The following LBHD1 variants were observed in gnomAD, a reference collection of about 807,000 sequenced individuals.
LBHD1 encodes the protein LBH domain-containing protein 1.
A neutral mutation model predicts 31.1 loss-of-function variants in LBHD1; 28 were observed. The ratio of observed to expected loss-of-function variants is 0.90; its 90% confidence interval spans 0.67 to 1.24. The LOEUF is 1.24. Ranked by LOEUF, LBHD1 falls within the 50% of genes most tolerant of loss-of-function variation. LBHD1 has a pLI of 0.00. For missense variants in LBHD1, 350 were observed against 323.0 expected, an observed-to-expected ratio of 1.08 and a Z score of -0.64; for synonymous variants, 105 against 116.5, an observed-to-expected ratio of 0.90 and a Z score of 0.63.
At chr11:62,671,503 G>A (rs1003960851) in intron 1 of LBHD1, 61 bp downstream of exon 1, 5 of 1,383,418 alleles carry the variant, frequency 3.6e-6, no homozygotes, top group Non-Finnish European at 3.8e-6. Context: ...AGGACACAGG[G>A]TCCCCGCGCT....
chr11:62,671,689 A>T lies in LBHD1; in HGVS notation c.-136T>A. ...CCAAGGGGTAGTGAGACCGCGCGGC[A>T]ACAGCTTGCGGCTGCGGGGAGCTCC... On this transcript the variant is annotated 5_prime_UTR_variant, in exon 1 of 7. The change creates a premature stop within an existing upstream ORF in the 5' untranslated region. Coordinates refer to ENST00000354588, the MANE Select transcript of LBHD1 (RefSeq NM_024099.5). 3.8e-6 allele frequency: 6 copies of T among 1,599,846 alleles called. No homozygotes were observed. The highest frequency in any genetic ancestry group is 5.1e-6 in the Non-Finnish European group (6 of 1,173,234).
At chr11:62,663,400 C>T (rs370759736) in intron 5 of LBHD1, 67 bp from the exon 6 acceptor site, 1 of 1,508,598 alleles carries the variant, frequency 6.6e-7, no homozygotes, top group African/African-American at 1.4e-5. Context: ...ACAAATAGTT[C>T]TGGCTATAGA....
Position 62,671,811 on chromosome 11 carries a change from C to A in LBHD1, c.-258G>T, listed in dbSNP as rs1485383908. On this transcript the variant is annotated 5_prime_UTR_variant, in exon 1 of 7. Coordinates refer to ENST00000354588, the MANE Select transcript of LBHD1 (RefSeq NM_024099.5). ...TGGGCGCAGGGGCTGGCGTGGGCTA[C>A]GCGCTCCTCGTTATCGTGACCCCGG... The A allele has an allele frequency of 1.2e-6, 2 of 1,613,988 alleles. No individual in the cohort carries two copies. The highest frequency in any genetic ancestry group is 1.7e-6 in the Non-Finnish European group (2 of 1,180,032).
At chr11:62,664,824 A>G in intron 5 of LBHD1, 25 bp downstream of exon 5, 2 of 1,554,704 alleles carry the variant, frequency 1.3e-6, no homozygotes, top group Non-Finnish European at 8.7e-7. Context: ...GGGGACGACC[A>G]ACAGGAAGAG....
At chr11:62,667,021 C>G in intron 4 of LBHD1, 5 of 1,607,850 alleles carry the variant, frequency 3.1e-6, no homozygotes, top group Non-Finnish European at 4.2e-6. Flanking sequence ...GCATCACCTA[C>G]TTTGCTTACT....
chr11:62,669,306 A>T (rs1462385218), intron 3 of LBHD1: 1 of 737,608 alleles, frequency 1.4e-6, no homozygotes, highest in African/African-American at 1.9e-5. Context: ...CTGAGGCAGG[A>T]GAATGGCGTG....
In LBHD1 at chr11:62,669,949, G is replaced by C; in HGVS notation, c.83C>G (p.Pro28Arg). Residue 28 changes from proline to arginine, a missense_variant, in exon 2 of 7, where the codon CCC becomes CGC. By Grantham distance (103) the Pro-to-Arg change is moderately radical (BLOSUM62 -2). Transcript: ENST00000354588. ...GTCCCAGAGAGGGTTGGGCAGCCTG[G>C]GACTTTCTGGATGCTGGGAGGAGCC... is the stretch of plus-strand genomic sequence containing the variant. ...SPGSSQHPES[P>R]RLPNPLWDRG... 1 of 1,614,106 alleles carries C rather than the reference G, an allele frequency of 6.2e-7. No individual in the cohort carries two copies. The highest frequency in any genetic ancestry group is 8.5e-7 in the Non-Finnish European group (1 of 1,180,040).
At position 62,671,686 on chromosome 11, in the gene LBHD1, G is replaced by C. The variant is rs998483278; in HGVS notation, c.-133C>G. On this transcript the variant is annotated 5_prime_UTR_variant, in exon 1 of 7. Transcript: ENST00000354588. Reference sequence around the variant, plus strand: ...GCGCCAAGGGGTAGTGAGACCGCGCGGCAACAGCTTGCGGCTGCGGGGAGC... The same window carrying C: ...GCGCCAAGGGGTAGTGAGACCGCGCCGCAACAGCTTGCGGCTGCGGGGAGC... The C allele has an allele frequency of 1.8e-5, 28 of 1,599,068 alleles. No individual in the cohort carries two copies. The highest frequency in any genetic ancestry group is 2.4e-5 in the Non-Finnish European group (28 of 1,172,924).
At position 62,669,641 on chromosome 11, in the gene LBHD1, C is replaced by T; in HGVS notation, c.313G>A (p.Gly105Ser). Reference sequence around the variant, plus strand: ...CCCCTGAATGAGCCACCTCCCTCACCTGGCTCTTCACTTTGGTCTTGGAAG... The same window carrying T: ...CCCCTGAATGAGCCACCTCCCTCACTTGGCTCTTCACTTTGGTCTTGGAAG... ...AFFQDQSEEP[G>S]WAWSPQDPRS... The change falls in exon 3 of 7, where the codon GGC becomes AGC. Residue 105 changes from glycine (G) to serine (S), a missense_variant and splice_region_variant. By Grantham distance (56) the Gly-to-Ser change is moderately conservative. Transcript: ENST00000354588. 1.2e-6 allele frequency: 2 copies of T among 1,611,908 alleles called. No individual in the cohort carries two copies. Among genetic ancestry groups the T allele is most frequent in the Non-Finnish European group, 1.7e-6 (2 of 1,178,848 alleles).
In LBHD1 at chr11:62,671,914, C is replaced by G. The variant is rs1206804110; in HGVS notation, c.-361G>C. On this transcript the variant is annotated 5_prime_UTR_variant, in exon 1 of 7. Coordinates refer to ENST00000354588, the MANE Select transcript of LBHD1 (RefSeq NM_024099.5). Reference sequence around the variant, plus strand: ...GGAAGGGTGGGCGGGTGGAGAGCCCCGGACTGGAGCTCCTGCGAACTCCCC... The same window carrying G: ...GGAAGGGTGGGCGGGTGGAGAGCCCGGGACTGGAGCTCCTGCGAACTCCCC... 12 of 1,613,158 alleles carry G rather than the reference C, an allele frequency of 7.4e-6. No individual in the cohort carries two copies. The highest frequency in any genetic ancestry group is 9.3e-6 in the Non-Finnish European group (11 of 1,179,342).
rs769543352 is a variant in LBHD1 at position 62,664,973 on chromosome 11, C to A, written c.539G>T (p.Gly180Val). 6.2e-7 allele frequency: 1 copy of A among 1,611,092 alleles called. No homozygotes were observed. The highest frequency in any genetic ancestry group is 2.2e-5 in the East Asian group (1 of 44,868). ...SHLLPPNSFE[G>V]AEEEAVQTPA... ...CGTTTGAACAGCTTCTTCTTCAGCT[C>A]CTGCCGGGGAGAAAGATGCGAATCA... The change falls in exon 5 of 7, where the codon GGA (glycine) becomes GTA (valine). Residue 180 changes from glycine to valine, a missense_variant and splice_region_variant. Gly to Val is a moderately radical substitution (Grantham distance 109, BLOSUM62 -3). Coordinates refer to ENST00000354588, the MANE Select transcript of LBHD1 (RefSeq NM_024099.5).
intron 5 of LBHD1, among the ~76,000 whole-genome samples, chr11:62,664,054 C>T (rs1487760565): frequency 2.6e-5 from 3 of 116,812 alleles, no homozygotes; most frequent in Non-Finnish European, 4.9e-5. Flanking sequence ...GCCTGGGCAA[C>T]AGAGGGAGAC....
rs184539434 is a variant in LBHD1 at position 62,668,856 on chromosome 11, T to C, written c.313+785A>G. Among the ~76,000 whole-genome samples, 6 of 151,450 alleles carry C rather than the reference T, an allele frequency of 4.0e-5. No homozygotes were observed. In the East Asian group the frequency reaches 1.2e-3, roughly 29 times the overall value. ...CAAACAAAAAAACAGTACACAGAGATGAAAAAAGTCTAGAAGAGAAGGTAT... is the reference window on the plus strand; with the variant it reads ...CAAACAAAAAAACAGTACACAGAGACGAAAAAAGTCTAGAAGAGAAGGTAT... On this transcript the variant is annotated intron_variant, in intron 3 of 6. Transcript: ENST00000354588.
rs750404220 is a variant in LBHD1 at position 62,667,687 on chromosome 11, C to A, written c.374G>T (p.Ser125Ile). Reference protein sequence around the residue: ...SPLRTFNAGLSWGQDQDEEDA... With the variant: ...SPLRTFNAGLIWGQDQDEEDA... ...TTCTTCATCCTGGTCCTGCCCCCAG[C>A]TGAGTCCAGCGTTAAATGTTCTTAA... is the stretch of plus-strand genomic sequence containing the variant. The change falls in exon 4 of 7, where the codon AGC (serine) becomes ATC (isoleucine). Residue 125 changes from serine to isoleucine, a missense_variant. Coordinates refer to ENST00000354588, the MANE Select transcript of LBHD1 (RefSeq NM_024099.5). The A allele has an allele frequency of 1.2e-6, 2 of 1,614,184 alleles. No individual in the cohort carries two copies. Among genetic ancestry groups the A allele is most frequent in the South Asian group, 2.2e-5 (2 of 91,084 alleles).
chr11:62,664,765 G>T, intron 5 of LBHD1, 84 bp downstream of exon 5: 1 of 1,502,964 alleles, frequency 6.7e-7, no homozygotes, highest in Non-Finnish European at 9.0e-7. Flanking sequence ...AAGGTGAGCT[G>T]AGAGGTGAAG....
At chr11:62,665,514 T>G in intron 4 of LBHD1, 1 of 1,571,404 alleles carries the variant, frequency 6.4e-7, no homozygotes, top group Non-Finnish European at 8.6e-7. Context: ...CGGCGTCATG[T>G]CTTCGGTGCT....
chr11:62,662,919 G>T lies in LBHD1; in HGVS notation c.*210C>A. 1 of 682,414 alleles carries T rather than the reference G, an allele frequency of 1.5e-6. No individual in the cohort carries two copies. The highest frequency in any genetic ancestry group is 2.5e-6 in the Non-Finnish European group (1 of 407,328). 42.3% of individuals were successfully genotyped at this position (682,414 alleles called of 1,614,324 possible). Reference sequence around the variant, plus strand: ...TCCCTCCCAAAGACATCCCTCTAGGGGAGGTCAGTAGGCCATTAGGTAGGA... The same window carrying T: ...TCCCTCCCAAAGACATCCCTCTAGGTGAGGTCAGTAGGCCATTAGGTAGGA... On this transcript the variant is annotated 3_prime_UTR_variant, in exon 7 of 7. Transcript: ENST00000354588.
In LBHD1 at chr11:62,667,545, GAGATGGGAAT is replaced by G; in HGVS notation, c.506_515del (p.Tyr169SerfsTer119). 6.2e-7 allele frequency: 1 copy of G among 1,614,124 alleles called. No individual in the cohort carries two copies. Among genetic ancestry groups the G allele is most frequent in the Non-Finnish European group, 8.5e-7 (1 of 1,180,024 alleles). On this transcript the variant is annotated frameshift_variant, in exon 4 of 7. Transcript: ENST00000354588. LOFTEE classifies it high-confidence loss of function. Reference sequence around the variant, plus strand: ...TACCCTCAAAGCTATTAGGAGGCAGGAGATGGGAATATTCCACAAAGCCACTTCTACAAAC... The same window carrying G: ...TACCCTCAAAGCTATTAGGAGGCAGGATTCCACAAAGCCACTTCTACAAAC...
Position 62,671,644 on chromosome 11 carries a change from A to C in LBHD1, c.-91T>G, listed in dbSNP as rs568662483. 2.3e-4 allele frequency: 361 copies of C among 1,543,646 alleles called. 5 individuals carry two copies. In the South Asian group the frequency reaches 4.0e-3, roughly 17 times the overall value. ...CGGCCGCTTATCTATGGTTTCTGCTATAGGGCGCTCTAGCCTGCGCCAAGG... is the reference window on the plus strand; with the variant it reads ...CGGCCGCTTATCTATGGTTTCTGCTCTAGGGCGCTCTAGCCTGCGCCAAGG... On this transcript the variant is annotated 5_prime_UTR_variant, in exon 1 of 7. Coordinates refer to ENST00000354588, the MANE Select transcript of LBHD1 (RefSeq NM_024099.5).
Sources: allele counts gnomAD v4.1 joint callset (sites outside exome capture counted in the v4.1 genomes callset), GRCh38; gene constraint gnomAD v4.1.1; transcripts MANE v1.5; gene names NCBI Gene and HGNC (gene_info 2026-07-23, HGNC 2026-07-21).